The following RNF212 variants were observed in gnomAD, a reference collection of about 807,000 sequenced individuals.
RNF212 encodes the protein probable E3 SUMO-protein ligase RNF212.
Under a neutral mutation model 34.7 loss-of-function variants are expected in RNF212, and 33 were observed. That is an observed-to-expected ratio of 0.95 (90% CI 0.72 to 1.27). The LOEUF (loss-of-function observed/expected upper bound fraction) is 1.27, where lower values mean the gene tolerates loss of function less well. RNF212 is among the 50% of genes most tolerant of loss of function. The pLI is 0.00. For missense variants in RNF212, 377 were observed against 362.2 expected, an observed-to-expected ratio of 1.04 and a Z score of -0.33; for synonymous variants, 140 against 136.1, an observed-to-expected ratio of 1.03 and a Z score of -0.20.
intron 8 of RNF212, among the ~76,000 whole-genome samples, chr4:1,075,040 C>A (rs1297576199): frequency 2.0e-5 from 3 of 152,198 alleles, no homozygotes; most frequent in Non-Finnish European, 4.4e-5. Context: ...CGTTCAAGTG[C>A]TGGTGTCTTT....
chr4:1,092,071 A>G (rs1354646145), intron 3 of RNF212, among the ~76,000 whole-genome samples: 1 of 152,202 alleles, frequency 6.6e-6, no homozygotes, highest in Non-Finnish European at 1.5e-5. Context: ...GCCACACTCA[A>G]TTGTGCCTGT....
intron 3 of RNF212, among the ~76,000 whole-genome samples, chr4:1,063,047 A>G (rs374462568): frequency 8.5e-5 from 13 of 152,368 alleles, no homozygotes; most frequent in African/African-American, 3.1e-4. Context: ...CGTTGAAAGA[A>G]ATCAAAGACC....
intron 2 of RNF212, among the ~76,000 whole-genome samples, chr4:1,101,889 T>A (rs1316436963): frequency 2.0e-5 from 3 of 152,240 alleles, no homozygotes; most frequent in Non-Finnish European, 2.9e-5. Flanking sequence ...AGGTATACAC[T>A]CATAATGTGT....
intron 2 of RNF212, among the ~76,000 whole-genome samples, chr4:1,102,851 C>CA (rs1301341035): frequency 2.1e-5 from 3 of 144,926 alleles, no homozygotes; most frequent in South Asian, 2.2e-4. Context: ...GACTCCGTCT[C>CA]AAAAAAAAGG....
At chr4:1,103,099 T>C (rs1724286255) in intron 2 of RNF212, among the ~76,000 whole-genome samples, 1 of 151,692 alleles carries the variant, frequency 6.6e-6, no homozygotes. Context: ...ACATGAAAAA[T>C]ATGAGTGGAT....
intron 1 of RNF212, among the ~76,000 whole-genome samples, chr4:1,112,469 C>G (rs1434852615): frequency 1.3e-5 from 2 of 152,054 alleles, no homozygotes; most frequent in African/African-American, 4.8e-5. Flanking sequence ...GCATAAACAT[C>G]AGTTCAACAC....
intron 5 of RNF212, chr4:1,081,825 C>T: frequency 1.8e-6 from 1 of 564,036 alleles, no homozygotes. Context: ...GCCAAGTGAA[C>T]TCAACACCCC....
chr4:1,087,697 G>C (rs1331857316), intron 4 of RNF212, among the ~76,000 whole-genome samples: 1 of 150,986 alleles, frequency 6.6e-6, no homozygotes, highest in South Asian at 2.1e-4. Context: ...ATCTCAAATT[G>C]TAATCCCATG....
At chr4:1,085,077 C>G (rs1720955900) in intron 5 of RNF212, among the ~76,000 whole-genome samples, 1 of 152,222 alleles carries the variant, frequency 6.6e-6, no homozygotes, top group African/African-American at 2.4e-5. Context: ...ACACACACAG[C>G]CAATGGGAGG....
At chr4:1,099,888 G>T (rs990804215) in intron 2 of RNF212, 2 of 456,178 alleles carry the variant, frequency 4.4e-6, no homozygotes, top group Admixed American at 2.3e-5. Context: ...CTGTAAAGGC[G>T]TGCTGTTGGT....
At chr4:1,106,067 G>A (rs1724772937) in intron 2 of RNF212, among the ~76,000 whole-genome samples, 1 of 152,226 alleles carries the variant, frequency 6.6e-6, no homozygotes, top group African/African-American at 2.4e-5. Flanking sequence ...GCTGCAGGGT[G>A]AAGAGGCTCT....
In RNF212 at chr4:1,073,596, T is replaced by C; in HGVS notation, c.574+3A>G. 5 of 1,592,900 alleles carry C rather than the reference T, an allele frequency of 3.1e-6. No homozygotes were observed. The highest frequency in any genetic ancestry group is 4.3e-6 in the Non-Finnish European group (5 of 1,160,812). The stretch of plus-strand genomic sequence containing the variant: ...GTCTGAGGTTACAGGACATTTTACT[T>C]ACCCATTCGTCCATCTTGAGGTGGA... On this transcript the variant is annotated splice_donor_region_variant and intron_variant, in intron 9 of 9. Transcript: ENST00000433731.
Position 1,072,947 on chromosome 4 carries a change from A to G in RNF212, c.821T>C (p.Leu274Pro). Residue 274 changes from leucine (L) to proline (P), a missense_variant, in exon 10 of 10, where the codon CTG becomes CCG. Coordinates refer to ENST00000433731, the MANE Select transcript of RNF212 (RefSeq NM_001131034.4). ...LFPFQQAEGT[L>P]DTFRTPAVSV... ...CACAGCGGGTGTTCTGAACGTGTCC[A>G]GGGTGCCCTCAGCCTGCTGGAACGG... The G allele has an allele frequency of 6.2e-7, 1 of 1,614,132 alleles. No homozygotes were observed. The highest frequency in any genetic ancestry group is 8.5e-7 in the Non-Finnish European group (1 of 1,179,956).
At chr4:1,100,684 C>G (rs757204717) in intron 2 of RNF212, 1 of 152,266 alleles carries the variant, frequency 6.6e-6, no homozygotes, top group African/African-American at 2.4e-5. Context: ...GCTGGGATTA[C>G]AGGCGTGAGC....
upstream of RNF212, chr4:1,113,583 G>T (rs958701206): frequency 1.4e-6 from 1 of 699,986 alleles, no homozygotes; most frequent in East Asian, 3.5e-5. Flanking sequence ...AAAGTCGACG[G>T]CAGCCCTGCG....
intron 4 of RNF212, among the ~76,000 whole-genome samples, chr4:1,057,485 CGGGGCT>C (rs1316684744): frequency 6.6e-6 from 1 of 152,078 alleles, no homozygotes; most frequent in Non-Finnish European, 1.5e-5. Context: ...TGGTCTGTTC[CGGGGCT>C]GGGGCTGAGT....
At chr4:1,074,422 T>C (rs1021589017) in intron 8 of RNF212, among the ~76,000 whole-genome samples, 18 of 152,198 alleles carry the variant, frequency 1.2e-4, no homozygotes, top group African/African-American at 4.1e-4. Flanking sequence ...AGACCTCTGC[T>C]ACCCACTTTC....
intron 3 of RNF212, among the ~76,000 whole-genome samples, chr4:1,063,129 C>T (rs566982291): frequency 6.6e-6 from 1 of 152,104 alleles, no homozygotes. Context: ...TGGCAATACC[C>T]CCTACATTGA....
intron 5 of RNF212, among the ~76,000 whole-genome samples, chr4:1,084,260 C>T (rs767707389): frequency 2.0e-5 from 3 of 152,112 alleles, no homozygotes; most frequent in Non-Finnish European, 2.9e-5. Context: ...CCCTTTGATG[C>T]ATTTTAAGTA....
Sources: allele counts gnomAD v4.1 joint callset (sites outside exome capture counted in the v4.1 genomes callset), GRCh38; gene constraint gnomAD v4.1.1; transcripts MANE v1.5; gene names NCBI Gene and HGNC (gene_info 2026-07-23, HGNC 2026-07-21).